The following FAHD1 variants were observed in gnomAD, a reference collection of about 807,000 sequenced individuals.
FAHD1 encodes the protein oxaloacetate tautomerase FAHD1, mitochondrial.
A neutral mutation model predicts 12.7 loss-of-function variants in FAHD1; 14 were observed. The ratio of observed to expected loss-of-function variants is 1.10; its 90% CI spans 0.73 to 1.72. The LOEUF is 1.72. Ranked by LOEUF, FAHD1 falls within the 40% of genes most tolerant of loss-of-function variation. The probability of loss-of-function intolerance (pLI) is 0.00; values close to 1 mark genes in which losing one functional copy is unlikely to be tolerated. For synonymous variants in FAHD1, 153 were observed against 124.9 expected (o/e 1.22, Z -1.50); for missense variants, 351 against 298.9 (o/e 1.17, Z -1.29).
chr16:1,829,663 T>G (rs1003758865), downstream of FAHD1, among the ~76,000 whole-genome samples: 1 of 152,068 alleles, frequency 6.6e-6, no homozygotes, highest in East Asian at 1.9e-4. Context: ...TTAGTATTAT[T>G]TTTTCATTGC....
chr16:1,836,418 A>G (rs1401562418), intron 1 of FAHD1, among the ~76,000 whole-genome samples: 2 of 152,232 alleles, frequency 1.3e-5, no homozygotes, highest in African/African-American at 4.8e-5. Flanking sequence ...CAGACTCATT[A>G]GCAAGTGGTG....
In FAHD1 at chr16:1,839,261, G is replaced by A; in HGVS notation, c.*9-1G>A. Reference sequence around the variant, plus strand: ...CTTCCTTTTTGCTATTTACCGTGCAGCCCAAAGTCTCCTCAGCAACACTTC... The same window carrying A: ...CTTCCTTTTTGCTATTTACCGTGCAACCCAAAGTCTCCTCAGCAACACTTC... On this transcript the variant is annotated splice_acceptor_variant, in intron 2 of 2. Coordinates refer to the FAHD1 transcript ENST00000382666. LOFTEE classifies it low-confidence loss of function (3UTR_SPLICE). The A allele has an allele frequency of 6.2e-7, 1 of 1,605,118 alleles. No homozygotes were observed.
At chr16:1,827,553 G>A (rs1898512046) in exon 1 of FAHD1, 2 of 1,613,286 alleles carry the variant, frequency 1.2e-6, no homozygotes, top group South Asian at 1.1e-5. Flanking sequence ...CCCGGGACGT[G>A]CAGGACGAGT....
downstream of FAHD1, among the ~76,000 whole-genome samples, chr16:1,832,852 TCTG>T (rs940951128): frequency 6.6e-6 from 1 of 152,140 alleles, no homozygotes; most frequent in Non-Finnish European, 1.5e-5. Flanking sequence ...GAAGGCCTGT[TCTG>T]CACAACTAGG....
intron 2 of FAHD1, among the ~76,000 whole-genome samples, chr16:1,838,953 A>C (rs55769149): frequency 0.18 from 27,086 of 152,208 alleles, 2,571 homozygotes; most frequent in South Asian, 0.27. Flanking sequence ...TGGCCTCCCA[A>C]AGTGCTGAGA....
chr16:1,828,560 C>T, exon 1 of FAHD1: 22 of 1,000,178 alleles, frequency 2.2e-5, no homozygotes, highest in Non-Finnish European at 2.5e-5. Flanking sequence ...AGTTATGTTC[C>T]AGATAACTTT....
chr16:1,837,890 G>A lies in FAHD1; in HGVS notation c.628-126G>A, dbSNP rs1024931036. 6 of 1,481,960 alleles carry A rather than the reference G, an allele frequency of 4.0e-6. No individual in the cohort carries two copies. In the African/African-American group the frequency reaches 4.3e-5, roughly 11 times the overall value. 91.8% of individuals were successfully genotyped at this position (1,481,960 alleles called of 1,614,324 possible). On this transcript the variant is annotated intron_variant, in intron 1 of 2. Coordinates refer to the FAHD1 transcript ENST00000382666. ...ATGTACCTGGTTAAAAAAAAAATAT[G>A]AGACAAATATATTTGAAGTTTACAA...
downstream of FAHD1, among the ~76,000 whole-genome samples, chr16:1,830,910 C>G (rs60160069): frequency 0.023 from 1,313 of 56,186 alleles, 89 homozygotes; most frequent in East Asian, 0.31. Context: ...GCACCTCTCT[C>G]TCTCTATACA....
At chr16:1,838,027 C>G in exon 2 of FAHD1, 1 of 1,365,304 alleles carries the variant, frequency 7.3e-7, no homozygotes, top group Non-Finnish European at 9.8e-7. Flanking sequence ...GACAGGGTCT[C>G]ACTCTGTCGC....
downstream of FAHD1, among the ~76,000 whole-genome samples, chr16:1,830,944 A>ACACACACACACACCCCCCCCACCCACC (rs57025691): frequency 1.4e-5 from 2 of 147,206 alleles, no homozygotes; most frequent in Admixed American, 6.8e-5. Context: ...ACACACACAC[A>ACACACACACACACCCCCCCCACCCACC]CCCATATTTT....
exon 2 of FAHD1, chr16:1,838,029 C>G (rs922894271): frequency 1.2e-5 from 17 of 1,370,156 alleles, no homozygotes; most frequent in Non-Finnish European, 1.7e-5. Context: ...CAGGGTCTCA[C>G]TCTGTCGCCC....
chr16:1,828,457 C>A (rs11558503), exon 1 of FAHD1: 1 of 1,000,712 alleles, frequency 1.0e-6, no homozygotes, highest in Non-Finnish European at 1.2e-6. Flanking sequence ...AAAAGACTTT[C>A]CTTTTGTAAA....
chr16:1,829,077 G>A (rs1478076271), downstream of FAHD1, among the ~76,000 whole-genome samples: 2 of 152,178 alleles, frequency 1.3e-5, no homozygotes, highest in African/African-American at 4.8e-5. Context: ...AGGAGGCTTT[G>A]TGGAAGTTGA....
chr16:1,839,517 CT>C, exon 3 of FAHD1: 15 of 1,307,016 alleles, frequency 1.1e-5, no homozygotes, highest in Non-Finnish European at 1.5e-5. Context: ...AGAATTGTCA[CT>C]AAAAACTCTA....
downstream of FAHD1, among the ~76,000 whole-genome samples, chr16:1,833,254 C>T (rs1163208378): frequency 6.6e-6 from 1 of 152,130 alleles, no homozygotes; most frequent in African/African-American, 2.4e-5. Flanking sequence ...AGTAGGTCCC[C>T]CTCAGAGTTC....
downstream of FAHD1, among the ~76,000 whole-genome samples, chr16:1,831,012 C>T (rs1346174730): frequency 6.6e-6 from 1 of 151,828 alleles, no homozygotes; most frequent in Non-Finnish European, 1.5e-5. Context: ...ATACATCTCC[C>T]AAGAATCAGG....
exon 1 of FAHD1, chr16:1,828,753 C>T (rs762822790): frequency 5.5e-5 from 54 of 983,512 alleles, no homozygotes; most frequent in East Asian, 1.1e-4. Flanking sequence ...GAAAAACACT[C>T]CTGTACATAA....
chr16:1,835,349 A>G (rs907324838), intron 1 of FAHD1, among the ~76,000 whole-genome samples: 1 of 152,126 alleles, frequency 6.6e-6, no homozygotes, highest in Admixed American at 6.5e-5. Context: ...TGTAGCAGGG[A>G]CTCAATCTGT....
At chr16:1,838,026 T>A (rs1203554343) in exon 2 of FAHD1, 2 of 1,375,850 alleles carry the variant, frequency 1.5e-6, no homozygotes, top group East Asian at 2.5e-5. Flanking sequence ...AGACAGGGTC[T>A]CACTCTGTCG....
Sources: allele counts gnomAD v4.1 joint callset (sites outside exome capture counted in the v4.1 genomes callset), GRCh38; gene constraint gnomAD v4.1.1; transcripts MANE v1.5; gene names NCBI Gene and HGNC (gene_info 2026-07-23, HGNC 2026-07-21).